Variants in SLC25A42 observed in about 807,000 individuals in gnomAD.
SLC25A42 encodes solute carrier family 25 member 42.
SLC25A42 carries 19 observed loss-of-function variants against 34.7 expected under a neutral mutation model. The ratio of observed to expected loss-of-function variants is 0.55; its 90% CI spans 0.38 to 0.80. The LOEUF is 0.80. Among genes scored for constraint, SLC25A42 ranks in the 30% least tolerant of loss-of-function variants. SLC25A42 has a pLI of 0.00. For missense variants in SLC25A42, 364 were observed against 441.3 expected (o/e 0.82, Z 1.57); for synonymous variants, 205 against 191.2 (o/e 1.07, Z -0.59).
chr19:19,092,211 T>C (rs1445682327), intron 1 of SLC25A42, among the ~76,000 whole-genome samples: 1 of 152,208 alleles, frequency 6.6e-6, no homozygotes, highest in Non-Finnish European at 1.5e-5. Flanking sequence ...TCTAGAGATC[T>C]TGCCTTAATC....
At position 19,104,896 on chromosome 19, in the gene SLC25A42, G is replaced by C. The variant is rs1362617401; in HGVS notation, c.188-17G>C. ...TCCTTTGCATCTCAGTGGCTTTTGTGCTTTTGTTTTTTCCAGTGTCTTCAA... is the reference window on the plus strand; with the variant it reads ...TCCTTTGCATCTCAGTGGCTTTTGTCCTTTTGTTTTTTCCAGTGTCTTCAA... On this transcript the variant is annotated splice_polypyrimidine_tract_variant and intron_variant, in intron 3 of 7. Transcript: ENST00000318596. The C allele has an allele frequency of 1.5e-5, 25 of 1,614,124 alleles. No homozygotes were observed. The highest frequency in any genetic ancestry group is 2.0e-5 in the Non-Finnish European group (24 of 1,180,004).
chr19:19,072,118 AT>A (rs1172385632), intron 1 of SLC25A42, among the ~76,000 whole-genome samples: 2 of 151,976 alleles, frequency 1.3e-5, no homozygotes, highest in African/African-American at 2.4e-5. Context: ...CTCCCAAAGT[AT>A]TGGAATTACA....
Position 19,106,279 on chromosome 19 carries a change from C to A in SLC25A42, c.391C>A (p.Pro131Thr). The A allele has an allele frequency of 1.2e-6, 2 of 1,611,948 alleles. No individual in the cohort carries two copies. The highest frequency in any genetic ancestry group is 1.7e-6 in the Non-Finnish European group (2 of 1,179,900). ...YYGFRGEALP[P>T]WPRLFAGALA... ...TCCTGCCCTGTTCAGAGCCCTGCCC[C>A]CTTGGCCTCGCCTCTTCGCCGGCGC... Residue 131 changes from proline to threonine, a missense_variant, in exon 6 of 8, where the codon CCT becomes ACT. Transcript: ENST00000318596.
intron 2 of SLC25A42, 53 bp downstream of exon 2, chr19:19,096,258 C>CCCCCCCCCCCCCCGGGCCCCCG: frequency 7.1e-7 from 1 of 1,399,274 alleles, no homozygotes. Context: ...CCAGCCTCCC[C>CCCCCCCCCCCCCCGGGCCCCCG]ACCCCCCCTC....
chr19:19,074,057 G>C (rs769896812), intron 1 of SLC25A42, among the ~76,000 whole-genome samples: 7 of 152,214 alleles, frequency 4.6e-5, no homozygotes, highest in Non-Finnish European at 8.8e-5. Flanking sequence ...GACCCTCTTA[G>C]TGGAGGAATG....
At chr19:19,091,605 G>A (rs986417251) in intron 1 of SLC25A42, among the ~76,000 whole-genome samples, 7 of 152,150 alleles carry the variant, frequency 4.6e-5, no homozygotes, top group Admixed American at 3.3e-4. Context: ...GGCCGGGTGC[G>A]GTGGCTCCCA....
At chr19:19,065,930 C>T (rs2145893014) in intron 1 of SLC25A42, among the ~76,000 whole-genome samples, 1 of 151,098 alleles carries the variant, frequency 6.6e-6, no homozygotes, top group Non-Finnish European at 1.5e-5. Flanking sequence ...GATCTCGGCT[C>T]ACGGCAACCT....
At chr19:19,086,024 G>A (rs146514142) in intron 1 of SLC25A42, among the ~76,000 whole-genome samples, 32 of 152,332 alleles carry the variant, frequency 2.1e-4, no homozygotes, top group Admixed American at 1.8e-3. Flanking sequence ...GTGCCGTGGA[G>A]GACCTGGACC....
Position 19,101,818 on chromosome 19 carries a change from G to C in SLC25A42, c.119G>C (p.Gly40Ala), listed in dbSNP as rs369633428. 6.2e-7 allele frequency: 1 copy of C among 1,613,672 alleles called. No homozygotes were observed. The highest frequency in any genetic ancestry group is 8.5e-7 in the Non-Finnish European group (1 of 1,179,880). The change falls in exon 3 of 8, where the codon GGG (glycine) becomes GCG (alanine). Residue 40 changes from glycine to alanine, a missense_variant. Transcript: ENST00000318596. ...HRQVLSSLLS[G>A]ALAGALAKTA... Reference sequence around the variant, plus strand: ...CAAGTGCTCAGCTCCCTGCTGTCTGGGGCCCTGGCTGGTGCCCTTGCCAAA... The same window carrying C: ...CAAGTGCTCAGCTCCCTGCTGTCTGCGGCCCTGGCTGGTGCCCTTGCCAAA...
chr19:19,100,569 C>T (rs2059790763), intron 2 of SLC25A42, among the ~76,000 whole-genome samples: 1 of 152,162 alleles, frequency 6.6e-6, no homozygotes, highest in Non-Finnish European at 1.5e-5. Context: ...CTATGACACA[C>T]ACCCCAAAGT....
chr19:19,089,176 C>T (rs1351581170), intron 1 of SLC25A42, among the ~76,000 whole-genome samples: 1 of 152,134 alleles, frequency 6.6e-6, no homozygotes, highest in African/African-American at 2.4e-5. Context: ...GTGGTGGCAC[C>T]CTTTAGAGAG....
At chr19:19,080,940 AAG>A in intron 1 of SLC25A42, among the ~76,000 whole-genome samples, 2 of 149,970 alleles carry the variant, frequency 1.3e-5, no homozygotes, top group Non-Finnish European at 3.0e-5. Context: ...AAAAAAAAAA[AAG>A]AGGGAGGGAG....
In SLC25A42 at chr19:19,110,690, C is replaced by A; in HGVS notation, c.771C>A (p.Ala257=). The change falls in exon 8 of 8, where the codon GCC becomes GCA. Residue 257 remains alanine (A), a synonymous_variant. Coordinates refer to ENST00000318596, the MANE Select transcript of SLC25A42 (RefSeq NM_178526.5). ...LDVVRRRMQT[A]GVTGYPRASI... Reference sequence around the variant, plus strand: ...TGGTGCGGCGGCGCATGCAGACGGCCGGCGTCACGGGCTACCCGCGCGCCT... The same window carrying A: ...TGGTGCGGCGGCGCATGCAGACGGCAGGCGTCACGGGCTACCCGCGCGCCT... The A allele has an allele frequency of 1.9e-6, 3 of 1,580,656 alleles. No homozygotes were observed. The highest frequency in any genetic ancestry group is 2.6e-6 in the Non-Finnish European group (3 of 1,164,660).
chr19:19,073,869 C>T (rs2059643172), intron 1 of SLC25A42, among the ~76,000 whole-genome samples: 1 of 152,158 alleles, frequency 6.6e-6, no homozygotes, highest in African/African-American at 2.4e-5. Context: ...CCACTGTGCC[C>T]AGCTAATTTT....
intron 1 of SLC25A42, among the ~76,000 whole-genome samples, chr19:19,089,362 G>C (rs1314083965): frequency 6.6e-6 from 1 of 150,846 alleles, no homozygotes; most frequent in Non-Finnish European, 1.5e-5. Context: ...CCCATCTCTA[G>C]TAAAAGTACA....
Position 19,108,012 on chromosome 19 carries a change from T to C in SLC25A42, c.616T>C (p.Phe206Leu). The C allele has an allele frequency of 1.2e-6, 2 of 1,607,164 alleles. No individual in the cohort carries two copies. The highest frequency in any genetic ancestry group is 2.2e-5 in the South Asian group (2 of 90,152). Residue 206 changes from phenylalanine (F) to leucine (L), a missense_variant, in exon 7 of 8, where the codon TTC (phenylalanine) becomes CTC (leucine). Transcript: ENST00000318596. Reference protein sequence around the residue: ...GVIPYAGLSFFTYETLKSLHR... With the variant: ...GVIPYAGLSFLTYETLKSLHR... Reference sequence around the variant, plus strand: ...CATTCCCTACGCTGGCCTGAGCTTCTTCACCTATGAGACGCTCAAGAGCTT... The same window carrying C: ...CATTCCCTACGCTGGCCTGAGCTTCCTCACCTATGAGACGCTCAAGAGCTT...
intron 1 of SLC25A42, among the ~76,000 whole-genome samples, chr19:19,077,969 T>G (rs2059663122): frequency 1.3e-5 from 2 of 152,184 alleles, no homozygotes; most frequent in South Asian, 4.1e-4. Context: ...TCCATCCGTG[T>G]TGTTGTCGCG....
chr19:19,066,427 C>T (rs1396173642), intron 1 of SLC25A42, among the ~76,000 whole-genome samples: 1 of 150,398 alleles, frequency 6.6e-6, no homozygotes, highest in Non-Finnish European at 1.5e-5. Flanking sequence ...GCTGTTTAAG[C>T]TGCAGCCCAT....
At chr19:19,072,393 G>GT (rs958108715) in intron 1 of SLC25A42, among the ~76,000 whole-genome samples, 3 of 152,098 alleles carry the variant, frequency 2.0e-5, no homozygotes, top group Non-Finnish European at 2.9e-5. Flanking sequence ...TTTTTTGTTT[G>GT]TTTTTTCAGA....
Sources: allele counts gnomAD v4.1 joint callset (sites outside exome capture counted in the v4.1 genomes callset), GRCh38; gene constraint gnomAD v4.1.1; transcripts MANE v1.5; gene names NCBI Gene and HGNC (gene_info 2026-07-23, HGNC 2026-07-21).